Variants in TMTC3 observed in about 807,000 individuals in gnomAD.
TMTC3 encodes the protein protein O-mannosyl-transferase TMTC3.
In TMTC3, 52 loss-of-function variants were observed where a neutral mutation model predicts 92.2. That is an observed-to-expected ratio of 0.56 (90% CI 0.45 to 0.71). The LOEUF (loss-of-function observed/expected upper bound fraction) is 0.71, where lower values mean the gene tolerates loss of function less well. Among genes scored for constraint, TMTC3 ranks in the 30% least tolerant of loss-of-function variants. The pLI is 0.00. For missense variants in TMTC3, 896 were observed against 1,057.1 expected (o/e 0.85, Z 2.11); for synonymous variants, 339 against 363.3 (o/e 0.93, Z 0.76).
rs537830052 is a variant in TMTC3 at position 88,188,667 on chromosome 12, C to G, written c.1433-176C>G. Among the ~76,000 whole-genome samples, 4 of 152,276 alleles carry G rather than the reference C, an allele frequency of 2.6e-5. No homozygotes were observed. The South Asian group carries it at 8.3e-4, about 32-fold the overall frequency. On this transcript the variant is annotated intron_variant, in intron 10 of 13. Coordinates refer to ENST00000266712, the MANE Select transcript of TMTC3 (RefSeq NM_181783.4). ...AATTACAAGAACTTTAAGGAAGAAG[C>G]AGGACCTGTTGCCTGCTTTTGCATT...
In TMTC3 at chr12:88,160,175, A is replaced by G. The variant is rs202156827; in HGVS notation, c.570A>G (p.Gln190=). 221 of 1,590,850 alleles carry G rather than the reference A, an allele frequency of 1.4e-4. No individual in the cohort carries two copies. The highest frequency in any genetic ancestry group is 1.6e-4 in the Non-Finnish European group (188 of 1,170,932). Reference sequence around the variant, plus strand: ...CTGTTGCAACATTATGTAAAGAACAAGGAATAACAGTTGTAGGAATTTGCT... The same window carrying G: ...CTGTTGCAACATTATGTAAAGAACAGGGAATAACAGTTGTAGGAATTTGCT... The part of the protein sequence containing the change: ...LVAVATLCKE[Q]GITVVGICCV... The change falls in exon 5 of 14, where the codon CAA becomes CAG. Residue 190 remains glutamine, a synonymous_variant. Transcript: ENST00000266712.
Position 88,160,144 on chromosome 12 carries a change from T to C in TMTC3, c.539T>C (p.Leu180Ser). The change falls in exon 5 of 14, where the codon TTA becomes TCA. Residue 180 changes from leucine to serine, a missense_variant. Transcript: ENST00000266712. Reference protein sequence around the residue: ...IWTPIALTVFLVAVATLCKEQ... With the variant: ...IWTPIALTVFSVAVATLCKEQ... ...ACTCCAATTGCCTTGACAGTGTTTTTAGTGGCTGTTGCAACATTATGTAAA... is the reference window on the plus strand; with the variant it reads ...ACTCCAATTGCCTTGACAGTGTTTTCAGTGGCTGTTGCAACATTATGTAAA... 3.1e-6 allele frequency: 5 copies of C among 1,592,826 alleles called. No individual in the cohort carries two copies. The highest frequency in any genetic ancestry group is 4.3e-6 in the Non-Finnish European group (5 of 1,172,694).
At chr12:88,186,517 C>T (rs926381954) in intron 10 of TMTC3, among the ~76,000 whole-genome samples, 1 of 152,092 alleles carries the variant, frequency 6.6e-6, no homozygotes, top group Non-Finnish European at 1.5e-5. Context: ...TTTGTGAGGT[C>T]CTCATTTACC....
At chr12:88,159,228 T>C (rs1452724282) in intron 4 of TMTC3, among the ~76,000 whole-genome samples, 1 of 152,214 alleles carries the variant, frequency 6.6e-6, no homozygotes, top group Non-Finnish European at 1.5e-5. Context: ...CACAGTTCAT[T>C]ACTCTTTAGT....
intron 6 of TMTC3, 46 bp from the exon 7 acceptor site, chr12:88,166,284 A>C: frequency 6.5e-7 from 1 of 1,544,468 alleles, no homozygotes; most frequent in Middle Eastern, 1.7e-4. Flanking sequence ...ATAATTCTGT[A>C]CTTTAAAAGT....
At chr12:88,185,598 C>A (rs76904173) in intron 10 of TMTC3, among the ~76,000 whole-genome samples, 3,586 of 152,046 alleles carry the variant, frequency 0.024, 69 homozygotes, top group Middle Eastern at 0.088. Flanking sequence ...TAGGTAAAAA[C>A]CTGAGAGAAA....
intron 4 of TMTC3, among the ~76,000 whole-genome samples, chr12:88,158,946 G>C (rs1373579952): frequency 6.6e-6 from 1 of 151,722 alleles, no homozygotes; most frequent in African/African-American, 2.4e-5. Flanking sequence ...CAGCTACTCG[G>C]GAGGCTGAGG....
intron 4 of TMTC3, among the ~76,000 whole-genome samples, chr12:88,157,778 T>G (rs1200844961): frequency 3.3e-5 from 5 of 152,178 alleles, no homozygotes; most frequent in African/African-American, 1.2e-4. Context: ...GTGTACTTGT[T>G]TTGGACAAAA....
chr12:88,176,269 ACTTTGAGAGAG>A lies in TMTC3; in HGVS notation c.1389_1399del (p.Arg464IlefsTer12). ...GGTCATGCTCTGGAAAATGAAAAGA[ACTTTGAGAGAG>A]CTTTGAAATACTTCTTACAGGCTAC... is the stretch of plus-strand genomic sequence containing the variant. On this transcript the variant is annotated frameshift_variant, in exon 10 of 14. Coordinates refer to ENST00000266712, the MANE Select transcript of TMTC3 (RefSeq NM_181783.4). LOFTEE classifies it high-confidence loss of function. The A allele has an allele frequency of 6.2e-7, 1 of 1,612,616 alleles. No homozygotes were observed. Among genetic ancestry groups the A allele is most frequent in the East Asian group, 2.2e-5 (1 of 44,752 alleles).
At chr12:88,156,811 G>GTT (rs56284816) in intron 4 of TMTC3, among the ~76,000 whole-genome samples, 82,885 of 136,638 alleles carry the variant, frequency 0.61, 28,219 homozygotes, top group South Asian at 0.76. Context: ...GTGTGTGTGT[G>GTT]TTTTTTTTTT....
rs1278359982 is a variant in TMTC3, at chr12:88,195,205, T to A, written c.2301T>A (p.Asp767Glu). Reference protein sequence around the residue: ...KKCFERILEMDPSNVQGKHNL... With the variant: ...KKCFERILEMEPSNVQGKHNL... ...GTTTTGAAAGGATTTTGGAGATGGATCCAAGCAATGTGCAAGGAAAACACA... is the reference window on the plus strand; with the variant it reads ...GTTTTGAAAGGATTTTGGAGATGGAACCAAGCAATGTGCAAGGAAAACACA... The change falls in exon 14 of 14, where the codon GAT (aspartate) becomes GAA (glutamate). Residue 767 changes from aspartate (D) to glutamate (E), a missense_variant. Coordinates refer to ENST00000266712, the MANE Select transcript of TMTC3 (RefSeq NM_181783.4). 1 of 1,613,746 alleles carries A rather than the reference T, an allele frequency of 6.2e-7. No individual in the cohort carries two copies.
chr12:88,190,420 T>C (rs1188589732), intron 11 of TMTC3, 33 bp from the exon 12 acceptor site: 1 of 1,599,676 alleles, frequency 6.3e-7, no homozygotes, highest in Non-Finnish European at 8.5e-7. Context: ...TACTGAAATA[T>C]CAAATCATGA....
chr12:88,194,775 C>A, intron 13 of TMTC3, 63 bp from the exon 14 acceptor site: 1 of 1,080,068 alleles, frequency 9.3e-7, no homozygotes, highest in Non-Finnish European at 1.2e-6. Flanking sequence ...TTGAAAATGG[C>A]TTTGTTCCTC....
At chr12:88,189,443 A>G (rs954882968) in intron 11 of TMTC3, among the ~76,000 whole-genome samples, 1 of 152,196 alleles carries the variant, frequency 6.6e-6, no homozygotes. Flanking sequence ...GTAAAAACTA[A>G]ATTCATAAAG....
At chr12:88,173,339 T>C (rs1387050428) in intron 8 of TMTC3, among the ~76,000 whole-genome samples, 3 of 152,060 alleles carry the variant, frequency 2.0e-5, no homozygotes, top group African/African-American at 4.8e-5. Flanking sequence ...GTAATACTAA[T>C]GTAATAATAT....
chr12:88,144,452 A>G (rs1374582564), intron 1 of TMTC3, among the ~76,000 whole-genome samples: 3 of 150,712 alleles, frequency 2.0e-5, no homozygotes, highest in Admixed American at 6.6e-5. Context: ...GTATTCACTT[A>G]CAAGTTTCGT....
intron 4 of TMTC3, among the ~76,000 whole-genome samples, chr12:88,159,155 T>G (rs567931204): frequency 6.6e-6 from 1 of 151,664 alleles, no homozygotes; most frequent in Admixed American, 6.6e-5. Flanking sequence ...GAGATTATAG[T>G]TTTTCATAAG....
At chr12:88,160,589 A>T (rs1024806089) in intron 5 of TMTC3, 90 bp from the exon 6 acceptor site, 1 of 1,093,894 alleles carries the variant, frequency 9.1e-7, no homozygotes, top group East Asian at 2.4e-5. Context: ...TTATACTTGT[A>T]TCTAATCTTG....
chr12:88,159,690 A>T (rs918023194), intron 4 of TMTC3, among the ~76,000 whole-genome samples: 3 of 151,790 alleles, frequency 2.0e-5, no homozygotes, highest in Non-Finnish European at 4.4e-5. Flanking sequence ...ATAGTACCCT[A>T]CTTTTCCCAA....
Sources: allele counts gnomAD v4.1 joint callset (sites outside exome capture counted in the v4.1 genomes callset), GRCh38; gene constraint gnomAD v4.1.1; transcripts MANE v1.5; gene names NCBI Gene and HGNC (gene_info 2026-07-23, HGNC 2026-07-21).